CALN1: variants seen among roughly 807,000 people sequenced by gnomAD.
CALN1 encodes the protein calcium-binding protein 8.
CALN1 carries 17 observed loss-of-function variants against 30.6 expected under a neutral mutation model. The ratio of observed to expected loss-of-function variants is 0.56; its 90% CI spans 0.38 to 0.83. CALN1 has a LOEUF of 0.83. CALN1 is among the 40% of genes least tolerant of loss of function. CALN1 has a pLI of 0.00. For synonymous variants in CALN1, 156 were observed against 131.4 expected (o/e 1.19, Z -1.28); for missense variants, 291 against 354.9 (o/e 0.82, Z 1.45).
At chr7:72,408,449 T>TAAACACACACACAGAGATA (rs1211774915) in intron 1 of CALN1, among the ~76,000 whole-genome samples, 1 of 151,474 alleles carries the variant, frequency 6.6e-6, no homozygotes, top group Non-Finnish European at 1.5e-5. Flanking sequence ...AGAAAAAAAT[T>TAAACACACACACAGAGATA]AAACACACAC....
At chr7:72,042,377 G>A (rs1031488919) in intron 4 of CALN1, among the ~76,000 whole-genome samples, 1 of 152,146 alleles carries the variant, frequency 6.6e-6, no homozygotes, top group Non-Finnish European at 1.5e-5. Context: ...AAAATCTAGA[G>A]GAAACCAGGC....
intron 2 of CALN1, among the ~76,000 whole-genome samples, chr7:72,311,000 G>A (rs1227544539): frequency 6.6e-6 from 1 of 151,586 alleles, no homozygotes; most frequent in South Asian, 2.1e-4. Context: ...AGGCACGGGT[G>A]TACTTATGCA....
chr7:72,225,725 G>A (rs1240500468), intron 3 of CALN1, among the ~76,000 whole-genome samples: 4 of 152,052 alleles, frequency 2.6e-5, no homozygotes, highest in African/African-American at 9.7e-5. Flanking sequence ...ATCAAACTCA[G>A]CTGTTTCTGA....
intron 5 of CALN1, among the ~76,000 whole-genome samples, chr7:71,856,044 T>C (rs1299874060): frequency 6.6e-6 from 1 of 151,988 alleles, no homozygotes; most frequent in Non-Finnish European, 1.5e-5. Flanking sequence ...TATATGTAGA[T>C]ATGTATATAT....
chr7:71,968,597 G>C (rs1284278641), intron 5 of CALN1, among the ~76,000 whole-genome samples: 1 of 151,970 alleles, frequency 6.6e-6, no homozygotes. Flanking sequence ...GGCCAGGCTG[G>C]TATTGAACTC....
chr7:71,834,239 ACCAAC>A (rs1335737729), intron 5 of CALN1, among the ~76,000 whole-genome samples: 8 of 126,208 alleles, frequency 6.3e-5, no homozygotes, highest in Middle Eastern at 3.9e-3. Context: ...AAAAAAAAAA[ACCAAC>A]AAAAAAAAAC....
intron 2 of CALN1, among the ~76,000 whole-genome samples, chr7:72,401,798 G>A (rs1007421457): frequency 4.6e-5 from 7 of 152,218 alleles, no homozygotes; most frequent in African/African-American, 1.4e-4. Context: ...TCTAGAGGTA[G>A]GCAAATATCC....
rs527993519 is a variant in CALN1, at chr7:72,138,498, G to A, written c.245-32204C>T. Among the ~76,000 whole-genome samples, 5 of 152,170 alleles carry A rather than the reference G, an allele frequency of 3.3e-5. No individual in the cohort carries two copies. The South Asian group carries it at 8.3e-4, about 25-fold the overall frequency. ...CTTCTGTTCTTACACCTGATTCCTC[G>A]GGAAACTCTTTTCTCCTACTTGTAT... On this transcript the variant is annotated intron_variant, in intron 3 of 6. Transcript: ENST00000395275.
rs115023590 is a variant in CALN1 at position 71,894,870 on chromosome 7, C to T, written c.502-84378G>A. Among the ~76,000 whole-genome samples, 477 of 152,280 alleles carry T rather than the reference C, an allele frequency of 3.1e-3. 1 individual carries two copies. The highest frequency in any genetic ancestry group is 0.011 in the African/African-American group (456 of 41,544). The stretch of plus-strand genomic sequence containing the variant: ...TGTGTGCTTTATATTTTTGTTGTTA[C>T]TAGAAATGAAGTTTCCATATTTCTG... On this transcript the variant is annotated intron_variant, in intron 5 of 6. Coordinates refer to ENST00000395275, the MANE Select transcript of CALN1 (RefSeq NM_031468.4).
chr7:71,908,174 A>ACCCTTTGGTGGCC, intron 5 of CALN1, among the ~76,000 whole-genome samples: 1 of 152,186 alleles, frequency 6.6e-6, no homozygotes, highest in African/African-American at 2.4e-5. Flanking sequence ...GACCTCCTGA[A>ACCCTTTGGTGGCC]CCCTTTGGTG....
At chr7:72,192,625 TTTATTATTATTATTATTA>T (rs140672013) in intron 3 of CALN1, among the ~76,000 whole-genome samples, 34,506 of 143,668 alleles carry the variant, frequency 0.24, 5,319 homozygotes, top group East Asian at 0.56. Flanking sequence ...TCCCATTTCT[TTTATTATTATTATTATTA>T]TTATTATTAT....
rs545707184 is a variant in CALN1 at position 71,908,123 on chromosome 7, C to T, written c.502-97631G>A. ...ATTTTCTTCTAGGCTTCTCACTTCA[C>T]ACCTCCAGTGAGCTCAGATCAAATC... On this transcript the variant is annotated intron_variant, in intron 5 of 6. Transcript: ENST00000395275. 5.3e-5 allele frequency among the ~76,000 whole-genome samples: 8 copies of T among 152,294 alleles called. No individual in the cohort carries two copies. The East Asian group carries it at 1.5e-3, about 29-fold the overall frequency.
At chr7:72,310,387 G>A (rs1211091057) in intron 2 of CALN1, among the ~76,000 whole-genome samples, 1 of 148,898 alleles carries the variant, frequency 6.7e-6, no homozygotes, top group Non-Finnish European at 1.5e-5. Context: ...CTTGGCATTC[G>A]AGATACTACC....
intron 3 of CALN1, among the ~76,000 whole-genome samples, chr7:72,223,987 G>A (rs994365622): frequency 6.6e-6 from 1 of 152,110 alleles, no homozygotes; most frequent in Non-Finnish European, 1.5e-5. Context: ...AACAGACAGT[G>A]GGGACTACTA....
chr7:72,235,991 C>A (rs1019210118), intron 3 of CALN1, among the ~76,000 whole-genome samples: 2 of 151,258 alleles, frequency 1.3e-5, no homozygotes, highest in African/African-American at 4.9e-5. Context: ...TACCTGTAAT[C>A]CCAGCTCTTA....
chr7:72,181,623 G>T (rs905170646), intron 3 of CALN1, among the ~76,000 whole-genome samples: 1 of 152,030 alleles, frequency 6.6e-6, no homozygotes, highest in Non-Finnish European at 1.5e-5. Context: ...GATTACAGGT[G>T]TGAGCCACCA....
At chr7:72,431,862 A>G (rs914389105) in intron 1 of CALN1, among the ~76,000 whole-genome samples, 2 of 151,472 alleles carry the variant, frequency 1.3e-5, no homozygotes, top group East Asian at 3.9e-4. Flanking sequence ...AAAAAAAAAA[A>G]CTAAGTCAGA....
rs536369569 is a variant in CALN1, at chr7:72,442,171, C to T, written c.-226+4871G>A. On this transcript the variant is annotated intron_variant, in intron 1 of 6. Coordinates refer to the CALN1 transcript ENST00000395276. ...CCATTGGTACCCCACTGGCCAGCCACCATCACCTCTCACCTTGATTAAATG... is the reference window on the plus strand; with the variant it reads ...CCATTGGTACCCCACTGGCCAGCCATCATCACCTCTCACCTTGATTAAATG... Among the ~76,000 whole-genome samples the T allele has an allele frequency of 1.6e-4, 25 of 152,278 alleles. No individual in the cohort carries two copies. The South Asian group carries it at 4.4e-3, about 27-fold the overall frequency.
chr7:72,046,510 G>C lies in CALN1; in HGVS notation c.389-22741C>G, dbSNP rs192103130. Among the ~76,000 whole-genome samples, 361 of 152,050 alleles carry C rather than the reference G, an allele frequency of 2.4e-3. 7 individuals carry two copies. Among genetic ancestry groups the C allele is most frequent in the Admixed American group, 0.023 (344 of 15,268 alleles). ...GTGGATCACCTGAGGTCAGGAGTTTGAGACCAGCATGGCCAACATGGTGAA... is the reference window on the plus strand; with the variant it reads ...GTGGATCACCTGAGGTCAGGAGTTTCAGACCAGCATGGCCAACATGGTGAA... On this transcript the variant is annotated intron_variant, in intron 4 of 6. Coordinates refer to ENST00000395275, the MANE Select transcript of CALN1 (RefSeq NM_031468.4).
Sources: allele counts gnomAD v4.1 joint callset (sites outside exome capture counted in the v4.1 genomes callset), GRCh38; gene constraint gnomAD v4.1.1; transcripts MANE v1.5; gene names NCBI Gene and HGNC (gene_info 2026-07-23, HGNC 2026-07-21).